The following GAS2 variants were observed in gnomAD, a reference collection of about 807,000 sequenced individuals.
GAS2 encodes growth arrest-specific protein 2.
GAS2 carries 20 observed loss-of-function variants against 37.5 expected under a neutral mutation model. The observed-to-expected ratio is 0.53, with a 90% confidence interval of 0.37 to 0.77. The LOEUF is 0.77. GAS2 is among the 30% of genes least tolerant of loss of function. The probability of loss-of-function intolerance (pLI) is 0.00; values close to 1 mark genes in which losing one functional copy is unlikely to be tolerated. For synonymous variants in GAS2, 144 were observed against 132.2 expected (o/e 1.09, Z -0.61); for missense variants, 336 against 373.4 (o/e 0.90, Z 0.82).
intron 5 of GAS2, among the ~76,000 whole-genome samples, chr11:22,739,562 G>GA (rs1852947205): frequency 2.3e-5 from 2 of 86,176 alleles, no homozygotes; most frequent in South Asian, 9.7e-4. Context: ...GACAGAGCAA[G>GA]ATTCGCTCTC....
At chr11:22,793,523 G>T (rs1236791283) in intron 7 of GAS2, among the ~76,000 whole-genome samples, 1 of 152,100 alleles carries the variant, frequency 6.6e-6, no homozygotes, top group Admixed American at 6.6e-5. Context: ...GAAAATGTTT[G>T]GAGCCTATTA....
At chr11:22,744,873 C>T (rs1418682387) in intron 5 of GAS2, among the ~76,000 whole-genome samples, 7 of 151,800 alleles carry the variant, frequency 4.6e-5, no homozygotes, top group Non-Finnish European at 8.8e-5. Flanking sequence ...CAAATTATCT[C>T]CCTACAAAAA....
At chr11:22,737,908 T>A (rs1182021113) in intron 5 of GAS2, 140 bp downstream of exon 5, 1 of 752,946 alleles carries the variant, frequency 1.3e-6, no homozygotes, top group Non-Finnish European at 2.3e-6. Flanking sequence ...TATGAACTTC[T>A]TGAGGGCAGC....
chr11:22,675,933 G>T (rs1361249943), intron 2 of GAS2, among the ~76,000 whole-genome samples: 1 of 152,134 alleles, frequency 6.6e-6, no homozygotes, highest in Non-Finnish European at 1.5e-5. Context: ...GCAAGGTTTG[G>T]CAGAAGTTTA....
intron 1 of GAS2, among the ~76,000 whole-genome samples, chr11:22,652,993 G>GTCTTTTTTTCTT (rs1554965876): frequency 2.5e-4 from 24 of 97,114 alleles, no homozygotes; most frequent in South Asian, 1.1e-3. Flanking sequence ...TTCTTTCTTT[G>GTCTTTTTTTCTT]TCTTTCTTTC....
chr11:22,797,513 A>G (rs1488858162), intron 7 of GAS2, among the ~76,000 whole-genome samples: 1 of 152,094 alleles, frequency 6.6e-6, no homozygotes, highest in Non-Finnish European at 1.5e-5. Context: ...TAAAGATTTG[A>G]GGATTACATC....
intron 1 of GAS2, among the ~76,000 whole-genome samples, chr11:22,661,332 T>G (rs1434459815): frequency 6.6e-6 from 1 of 152,176 alleles, no homozygotes; most frequent in East Asian, 1.9e-4. Flanking sequence ...ATGATTTATT[T>G]ATTTATTTAT....
chr11:22,701,443 A>T (rs1850836017), intron 3 of GAS2, among the ~76,000 whole-genome samples: 1 of 152,150 alleles, frequency 6.6e-6, no homozygotes, highest in Non-Finnish European at 1.5e-5. Flanking sequence ...TTAAATGAAG[A>T]TAGAATACTC....
At chr11:22,747,599 A>G (rs1329628693) in intron 5 of GAS2, among the ~76,000 whole-genome samples, 1 of 152,116 alleles carries the variant, frequency 6.6e-6, no homozygotes, top group Non-Finnish European at 1.5e-5. Context: ...AAAGACTTGC[A>G]TGTCACCTTT....
intron 1 of GAS2, among the ~76,000 whole-genome samples, chr11:22,652,586 A>G (rs1008606651): frequency 6.6e-6 from 1 of 152,228 alleles, no homozygotes; most frequent in Non-Finnish European, 1.5e-5. Flanking sequence ...CCGTGGGCGT[A>G]GGACCCTCCG....
intron 7 of GAS2, among the ~76,000 whole-genome samples, chr11:22,804,090 A>G (rs1026867398): frequency 6.6e-6 from 1 of 152,154 alleles, no homozygotes; most frequent in African/African-American, 2.4e-5. Context: ...AAGATTTTCC[A>G]GTTGGGGGTG....
intron 2 of GAS2, among the ~76,000 whole-genome samples, chr11:22,683,673 T>C (rs1214546942): frequency 6.6e-6 from 1 of 152,132 alleles, no homozygotes; most frequent in Non-Finnish European, 1.5e-5. Flanking sequence ...TTCTTTTTTT[T>C]TTTTTGCTTT....
chr11:22,748,049 A>G (rs1853507561), intron 5 of GAS2, among the ~76,000 whole-genome samples: 1 of 152,186 alleles, frequency 6.6e-6, no homozygotes, highest in South Asian at 2.1e-4. Flanking sequence ...AACATTGTCA[A>G]CATATTCTCT....
Position 22,737,790 on chromosome 11 carries a change from A to G in GAS2, c.473+22A>G, listed in dbSNP as rs374996114. On this transcript the variant is annotated intron_variant, in intron 5 of 7. Transcript: ENST00000454584. ...CCAGGTAGGTCAAACCACTGCAACTATGTCAAGACATTGACGATTTCAGCA... is the reference window on the plus strand; with the variant it reads ...CCAGGTAGGTCAAACCACTGCAACTGTGTCAAGACATTGACGATTTCAGCA... 337 of 1,607,844 alleles carry G rather than the reference A, an allele frequency of 2.1e-4. 1 individual carries two copies. Among genetic ancestry groups the G allele is most frequent in the Non-Finnish European group, 2.6e-4 (306 of 1,174,350 alleles).
intron 2 of GAS2, among the ~76,000 whole-genome samples, chr11:22,684,822 C>T (rs375979836): frequency 1.3e-3 from 203 of 152,292 alleles, no homozygotes; most frequent in African/African-American, 4.3e-3. Context: ...CACCTACCTC[C>T]GGCTTCCAAA....
chr11:22,734,664 A>G (rs1852658013), intron 4 of GAS2, among the ~76,000 whole-genome samples: 1 of 151,810 alleles, frequency 6.6e-6, no homozygotes, highest in Admixed American at 6.6e-5. Context: ...TATGCTAAGC[A>G]TAACAGTAAA....
At chr11:22,763,154 T>A (rs956821207) in intron 7 of GAS2, among the ~76,000 whole-genome samples, 4 of 152,256 alleles carry the variant, frequency 2.6e-5, no homozygotes, top group Admixed American at 2.6e-4. Context: ...GTACTACTTT[T>A]AAATTAAATC....
intron 7 of GAS2, among the ~76,000 whole-genome samples, chr11:22,779,910 T>C (rs1199194157): frequency 6.6e-6 from 1 of 152,182 alleles, no homozygotes; most frequent in African/African-American, 2.4e-5. Context: ...TAAGGGATAC[T>C]GATCCCAAGC....
chr11:22,663,827 A>C (rs557912943), upstream of GAS2, among the ~76,000 whole-genome samples: 3 of 152,282 alleles, frequency 2.0e-5, no homozygotes, highest in African/African-American at 7.2e-5. Flanking sequence ...GATTTATAAA[A>C]TTTATTCTCT....
Sources: allele counts gnomAD v4.1 joint callset (sites outside exome capture counted in the v4.1 genomes callset), GRCh38; gene constraint gnomAD v4.1.1; transcripts MANE v1.5; gene names NCBI Gene and HGNC (gene_info 2026-07-23, HGNC 2026-07-21).